The following DDX27 variants were observed in gnomAD, a reference collection of about 807,000 sequenced individuals.
The protein encoded by DDX27 is DEAD-box helicase 27, also known as probable ATP-dependent RNA helicase DDX27.
Under a neutral mutation model 99.3 loss-of-function variants are expected in DDX27, and 42 were observed. That is an observed-to-expected ratio of 0.42 (90% CI 0.33 to 0.55). The LOEUF (loss-of-function observed/expected upper bound fraction) is 0.55. Among genes scored for constraint, DDX27 ranks in the 20% least tolerant of loss-of-function variants. The pLI is 0.07. For missense variants in DDX27, 798 were observed against 976.8 expected (o/e 0.82, Z 2.44); for synonymous variants, 329 against 353.8 (o/e 0.93, Z 0.79).
intron 8 of DDX27, among the ~76,000 whole-genome samples, chr20:49,229,295 G>A (rs1382067002): frequency 1.3e-5 from 2 of 152,110 alleles, no homozygotes; most frequent in East Asian, 1.9e-4. Flanking sequence ...CTCCCAAAGT[G>A]CTGGAATTAC....
chr20:49,230,271 G>A lies in DDX27; in HGVS notation c.953G>A (p.Arg318Gln). Residue 318 changes from arginine to glutamine, a missense_variant, in exon 9 of 21, where the codon CGG becomes CAG. Arg to Gln is a conservative substitution (Grantham distance 43). Around this residue, in one of 2 missense-constraint regions of DDX27, gnomAD observed 553 missense variants for 727.9 expected, o/e 0.76. Coordinates refer to ENST00000618172, the MANE Select transcript of DDX27 (RefSeq NM_017895.8). The part of the protein sequence containing the change: ...APDILIATPG[R>Q]LIDHLHNCPS... The stretch of plus-strand genomic sequence containing the variant: ...GACATCCTCATCGCCACCCCAGGCC[G>A]GCTCATCGATCACCTCCACAACTGC... The A allele has an allele frequency of 1.9e-6, 3 of 1,613,210 alleles. No homozygotes were observed. Among genetic ancestry groups the A allele is most frequent in the Non-Finnish European group, 2.5e-6 (3 of 1,180,000 alleles).
At chr20:49,234,220 T>A (rs238149) in intron 11 of DDX27, 4 of 153,262 alleles carry the variant, frequency 2.6e-5, no homozygotes, top group African/African-American at 4.8e-5. Context: ...GATCCCAGCC[T>A]TGGAGGCTTG....
chr20:49,223,270 TAAA>T lies in DDX27; in HGVS notation c.304_306del (p.Lys102del). ...CCTCACTTTAATTTTTTTCCCAGGA[TAAA>T]GAAGCCAAGTCTGGGAAGTTGGAAA... On this transcript the variant is annotated inframe_deletion, in exon 4 of 21. Coordinates refer to ENST00000618172, the MANE Select transcript of DDX27 (RefSeq NM_017895.8). 6.2e-7 allele frequency: 1 copy of T among 1,606,290 alleles called. No homozygotes were observed. Among genetic ancestry groups the T allele is most frequent in the East Asian group, 2.2e-5 (1 of 44,854 alleles).
intron 14 of DDX27, 80 bp from the exon 15 acceptor site, chr20:49,238,869 C>A: frequency 9.7e-7 from 1 of 1,027,322 alleles, no homozygotes; most frequent in South Asian, 1.5e-5. Flanking sequence ...CTCAATCTCC[C>A]AGAGTGCCGG....
intron 2 of DDX27, 122 bp from the exon 3 acceptor site, chr20:49,222,835 T>C: frequency 3.5e-6 from 2 of 576,212 alleles, no homozygotes; most frequent in Non-Finnish European, 5.7e-6. Flanking sequence ...ATATATAATA[T>C]GTATATGTAT....
Position 49,241,974 on chromosome 20 carries a change from A to G in DDX27, c.1979A>G (p.Lys660Arg), listed in dbSNP as rs1490408347. 2 of 1,613,502 alleles carry G rather than the reference A, an allele frequency of 1.2e-6. No homozygotes were observed. Among genetic ancestry groups the G allele is most frequent in the Non-Finnish European group, 1.7e-6 (2 of 1,179,884 alleles). ...RKKFMKDAKK[K>R]GEMTAEERSQ... ...AAGTTTATGAAGGATGCCAAAAAAA[A>G]GGGGGAGATGACAGTGAGTGGCCTC... Residue 660 changes from lysine (K) to arginine (R), a missense_variant, in exon 17 of 21, where the codon AAG becomes AGG. Physicochemically the swap from Lys to Arg is conservative, Grantham distance 26. Coordinates refer to ENST00000618172, the MANE Select transcript of DDX27 (RefSeq NM_017895.8).
intron 7 of DDX27, among the ~76,000 whole-genome samples, chr20:49,228,001 C>T (rs548908632): frequency 5.9e-5 from 9 of 151,462 alleles, no homozygotes; most frequent in East Asian, 3.9e-4. Context: ...CCACCATGCC[C>T]GGCTAATTTT....
At chr20:49,239,542 G>A (rs1032896032) in intron 16 of DDX27, among the ~76,000 whole-genome samples, 5 of 152,104 alleles carry the variant, frequency 3.3e-5, no homozygotes, top group African/African-American at 9.7e-5. Context: ...TAGATCCCTC[G>A]CATGCGCACT....
At chr20:49,233,204 G>A in intron 9 of DDX27, 102 bp from the exon 10 acceptor site, 1 of 766,580 alleles carries the variant, frequency 1.3e-6, no homozygotes, top group Non-Finnish European at 2.2e-6. Context: ...AGTCCTAAAT[G>A]TAACCAATGA....
At chr20:49,229,582 C>G (rs908479046) in intron 8 of DDX27, among the ~76,000 whole-genome samples, 1 of 151,878 alleles carries the variant, frequency 6.6e-6, no homozygotes, top group Admixed American at 6.6e-5. Context: ...ATCTTTGTCT[C>G]CCTGTAACAG....
Position 49,236,101 on chromosome 20 carries a change from T to G in DDX27, c.1428-49T>G. The G allele has an allele frequency of 1.2e-5, 19 of 1,521,892 alleles. No homozygotes were observed. The highest frequency in any genetic ancestry group is 2.3e-5 in the East Asian group (1 of 44,118). 94.3% of individuals were successfully genotyped at this position (1,521,892 alleles called of 1,614,324 possible). A position where few individuals can be genotyped will look rare whatever the true frequency, so the allele number is the denominator to read the frequency against. ...TGCTGGCTCAGGCTCTTGTGGAGCATTATTAGGGGAGGGTGTCTGGATGAA... is the reference window on the plus strand; with the variant it reads ...TGCTGGCTCAGGCTCTTGTGGAGCAGTATTAGGGGAGGGTGTCTGGATGAA... On this transcript the variant is annotated intron_variant, in intron 12 of 20. Coordinates refer to ENST00000618172, the MANE Select transcript of DDX27 (RefSeq NM_017895.8). The surrounding 1 kb of genome is among the most constrained non-coding windows in gnomAD (Gnocchi z 4.1).
Position 49,236,506 on chromosome 20 carries a change from C to T in DDX27, c.1683C>T (p.Pro561=). The T allele has an allele frequency of 6.3e-7, 1 of 1,579,764 alleles. No homozygotes were observed. The highest frequency in any genetic ancestry group is 2.3e-5 in the East Asian group (1 of 43,774). The change falls in exon 14 of 21, where the codon CCC becomes CCT. Residue 561 remains proline, a synonymous_variant. Transcript: ENST00000618172. The surrounding 1 kb of genome is among the most constrained non-coding windows in gnomAD (Gnocchi z 4.1). ...CCCCTGTGAAGGCCAGGATACTTCC[C>T]CAAGGTGAGCAGGCACCCCTGTGGC... ...AKAPVKARIL[P]QDVILKFRDK... is the part of the protein sequence containing the mutation.
chr20:49,223,534 T>TAAAGA, intron 4 of DDX27, 101 bp downstream of exon 4: 4 of 1,189,120 alleles, frequency 3.4e-6, no homozygotes, highest in Non-Finnish European at 4.7e-6. Context: ...CAGTTTATCT[T>TAAAGA]TAAGCTGTTC....
intron 9 of DDX27, among the ~76,000 whole-genome samples, chr20:49,232,989 G>A (rs761497): frequency 0.69 from 103,776 of 150,754 alleles, 36,527 homozygotes; most frequent in Non-Finnish European, 0.78. Flanking sequence ...CGTGGCCTGT[G>A]CTTTAGATAT....
At chr20:49,219,639 C>G in intron 1 of DDX27, 98 bp downstream of exon 1, 1 of 1,310,048 alleles carries the variant, frequency 7.6e-7, no homozygotes, top group Non-Finnish European at 1.0e-6. Context: ...CCCCTGCCAG[C>G]CCCGGAAGTT....
chr20:49,228,890 T>C lies in DDX27; in HGVS notation c.880+2T>C. 1 of 1,584,880 alleles carries C rather than the reference T, an allele frequency of 6.3e-7. No individual in the cohort carries two copies. ...ACATCACCACCTGCCTGGCTGTGGG[T>C]GAGTTTCTGGCCAAGGGCTGCCAGC... On this transcript the variant is annotated splice_donor_variant, in intron 8 of 20. Coordinates refer to ENST00000618172, the MANE Select transcript of DDX27 (RefSeq NM_017895.8). LOFTEE classifies it high-confidence loss of function.
intron 3 of DDX27, 89 bp downstream of exon 3, chr20:49,223,105 G>A: frequency 7.0e-7 from 1 of 1,432,840 alleles, no homozygotes; most frequent in African/African-American, 1.4e-5. Flanking sequence ...CCCTTATAGA[G>A]CGGGGCATGG....
intron 4 of DDX27, among the ~76,000 whole-genome samples, chr20:49,224,103 C>G (rs1490987729): frequency 6.6e-6 from 1 of 151,544 alleles, no homozygotes; most frequent in African/African-American, 2.4e-5. Flanking sequence ...TCTCAAATTT[C>G]TAGGCTCGAG....
chr20:49,243,543 C>A, intron 19 of DDX27, 86 bp from the exon 20 acceptor site: 1 of 1,178,674 alleles, frequency 8.5e-7, no homozygotes, highest in Non-Finnish European at 1.3e-6. Context: ...GCTACTGCTT[C>A]ATGTAGGAGC....
Sources: gnomAD v4.1 joint callset for allele counts (sites outside exome capture counted in the v4.1 genomes callset) on GRCh38, gnomAD v4.1.1 for gene constraint, gnomAD v4.1.1 regional missense constraint, Gnocchi (gnomAD v3.1) non-coding constraint, MANE v1.5 for transcripts, NCBI Gene and HGNC (gene_info 2026-07-23, HGNC 2026-07-21) for gene names.